The following NFX1 variants were observed in gnomAD, a reference collection of about 807,000 sequenced individuals.
The protein encoded by NFX1 is transcriptional repressor NF-X1.
A neutral mutation model predicts 137.2 loss-of-function variants in NFX1; 69 were observed. That is an observed-to-expected ratio of 0.50 (90% CI 0.41 to 0.61). The LOEUF (loss-of-function observed/expected upper bound fraction) is 0.61. Among genes scored for constraint, NFX1 ranks in the 20% least tolerant of loss-of-function variants. The pLI, the probability that NFX1 is intolerant of heterozygous loss-of-function variation, is 0.00. For missense variants in NFX1, 1,167 were observed against 1,391.0 expected (o/e 0.84, Z 2.56); for synonymous variants, 495 against 474.1 (o/e 1.04, Z -0.57).
At chr9:33,323,889 C>CT (rs772509151) in intron 9 of NFX1, among the ~76,000 whole-genome samples, 8 of 151,970 alleles carry the variant, frequency 5.3e-5, no homozygotes, top group Non-Finnish European at 1.0e-4. Context: ...GAGATAGAAA[C>CT]TAGTTTTAAA....
intron 19 of NFX1, among the ~76,000 whole-genome samples, chr9:33,362,843 A>G (rs948469337): frequency 6.6e-6 from 1 of 151,762 alleles, no homozygotes; most frequent in Admixed American, 6.6e-5. Context: ...AGCTGGGATT[A>G]CAGGCATGCA....
At chr9:33,336,838 A>T (rs1395275517) in intron 11 of NFX1, among the ~76,000 whole-genome samples, 1 of 152,132 alleles carries the variant, frequency 6.6e-6, no homozygotes, top group Non-Finnish European at 1.5e-5. Context: ...GCAGTAGCTC[A>T]CGCCTGTAAT....
intron 19 of NFX1, among the ~76,000 whole-genome samples, chr9:33,358,647 ATTTTTTTTTTTTTTTTTTT>A (rs61589629): frequency 1.9e-4 from 9 of 48,476 alleles, no homozygotes; most frequent in South Asian, 1.1e-3. Flanking sequence ...GAATGGCTTG[ATTTTTTTTTTTTTTTTTTT>A]TTTTTTTTTT....
At chr9:33,350,719 A>G (rs1389480944) in intron 15 of NFX1, among the ~76,000 whole-genome samples, 5 of 152,254 alleles carry the variant, frequency 3.3e-5, no homozygotes, top group Admixed American at 6.5e-5. Flanking sequence ...AGCTGGATGC[A>G]GTGGCATGTA....
chr9:33,362,667 T>C (rs1222264341), intron 19 of NFX1, among the ~76,000 whole-genome samples: 3 of 147,446 alleles, frequency 2.0e-5, no homozygotes, highest in Non-Finnish European at 4.4e-5. Flanking sequence ...AAGTTACAAA[T>C]AGATGGTAGT....
chr9:33,349,675 GAA>G (rs1057239643), intron 15 of NFX1, among the ~76,000 whole-genome samples: 1 of 144,350 alleles, frequency 6.9e-6, no homozygotes, highest in African/African-American at 2.5e-5. Context: ...CATTTTTCAA[GAA>G]AAAAAAAAAG....
At chr9:33,344,699 C>G (rs376637523) in intron 14 of NFX1, among the ~76,000 whole-genome samples, 2 of 151,740 alleles carry the variant, frequency 1.3e-5, no homozygotes, top group African/African-American at 4.9e-5. Context: ...AACCCCGTCT[C>G]TACTAAAAAT....
intron 15 of NFX1, 48 bp from the exon 16 acceptor site, chr9:33,351,512 C>T: frequency 6.4e-7 from 1 of 1,565,518 alleles, no homozygotes; most frequent in South Asian, 1.1e-5. Flanking sequence ...AAAACTCACC[C>T]CAAATCCCAC....
intron 11 of NFX1, among the ~76,000 whole-genome samples, chr9:33,338,291 G>A (rs1823087263): frequency 6.6e-6 from 1 of 151,934 alleles, no homozygotes; most frequent in South Asian, 2.1e-4. Context: ...AGAGGTGGAT[G>A]TTGCAGTGAG....
intron 15 of NFX1, among the ~76,000 whole-genome samples, chr9:33,347,410 G>A (rs1823463449): frequency 6.6e-6 from 1 of 152,102 alleles, no homozygotes; most frequent in Non-Finnish European, 1.5e-5. Context: ...TATACTCAAT[G>A]TCCCCTACTT....
intron 9 of NFX1, among the ~76,000 whole-genome samples, chr9:33,320,197 T>C (rs1316951020): frequency 2.0e-5 from 3 of 151,550 alleles, no homozygotes; most frequent in African/African-American, 7.3e-5. Context: ...ACTCCTGACC[T>C]TGGGTGATCT....
chr9:33,307,875 C>T (rs1462594517), intron 5 of NFX1, among the ~76,000 whole-genome samples: 1 of 147,712 alleles, frequency 6.8e-6, no homozygotes, highest in African/African-American at 2.5e-5. Flanking sequence ...GTGATCACAG[C>T]TCACTGCAAC....
rs905580079 is a variant in NFX1 at position 33,329,809 on chromosome 9, C to G, written c.2004+1131C>G. 2.0e-5 allele frequency among the ~76,000 whole-genome samples: 3 copies of G among 152,080 alleles called. No homozygotes were observed. The East Asian group carries it at 5.8e-4, about 29-fold the overall frequency. Reference sequence around the variant, plus strand: ...GAGTAGCTGGAATTACAGGTGCATGCCATCACACCCGGCTAATTTTTGTAT... The same window carrying G: ...GAGTAGCTGGAATTACAGGTGCATGGCATCACACCCGGCTAATTTTTGTAT... On this transcript the variant is annotated intron_variant, in intron 10 of 23. Coordinates refer to ENST00000379540, the MANE Select transcript of NFX1 (RefSeq NM_002504.6).
intron 18 of NFX1, among the ~76,000 whole-genome samples, chr9:33,354,579 A>G (rs2118651634): frequency 6.6e-6 from 1 of 152,310 alleles, no homozygotes; most frequent in Middle Eastern, 3.4e-3. Flanking sequence ...CCTAGACCCC[A>G]TAACAGAGAG....
chr9:33,338,363 A>C, intron 11 of NFX1, 147 bp from the exon 12 acceptor site: 2 of 718,826 alleles, frequency 2.8e-6, no homozygotes, highest in Non-Finnish European at 4.4e-6. Context: ...TCAAAAAACA[A>C]AACAAAACAA....
chr9:33,357,398 G>A (rs1457175163), intron 19 of NFX1, among the ~76,000 whole-genome samples: 1 of 152,068 alleles, frequency 6.6e-6, no homozygotes, highest in East Asian at 1.9e-4. Flanking sequence ...GTATCACACT[G>A]TCTTAATTAC....
At chr9:33,369,470 C>T (rs1394564225) in intron 23 of NFX1, among the ~76,000 whole-genome samples, 1 of 152,150 alleles carries the variant, frequency 6.6e-6, no homozygotes, top group Non-Finnish European at 1.5e-5. Context: ...CATAAATGCC[C>T]ATGTGCCCAT....
At chr9:33,350,142 A>G (rs1043624946) in intron 15 of NFX1, among the ~76,000 whole-genome samples, 1 of 152,056 alleles carries the variant, frequency 6.6e-6, no homozygotes, top group Non-Finnish European at 1.5e-5. Flanking sequence ...TGTCTCTACT[A>G]AAAATACAAA....
chr9:33,325,586 C>T (rs1587843190), intron 9 of NFX1, among the ~76,000 whole-genome samples: 1 of 152,264 alleles, frequency 6.6e-6, no homozygotes, highest in East Asian at 1.9e-4. Flanking sequence ...ATGGCATGAA[C>T]CCGGGAGGCG....
Sources: allele counts gnomAD v4.1 joint callset (sites outside exome capture counted in the v4.1 genomes callset), GRCh38; gene constraint gnomAD v4.1.1; transcripts MANE v1.5; gene names NCBI Gene and HGNC (gene_info 2026-07-23, HGNC 2026-07-21).